The following ADAMTS2 variants were observed in gnomAD, a reference collection of about 807,000 sequenced individuals.
ADAMTS2 encodes A disintegrin and metalloproteinase with thrombospondin motifs 2.
ADAMTS2 carries 50 observed loss-of-function variants against 123.0 expected under a neutral mutation model. The observed-to-expected ratio is 0.41, with a 90% CI of 0.32 to 0.51. The LOEUF is 0.51. Among genes scored for constraint, ADAMTS2 ranks in the 20% least tolerant of loss-of-function variants. The pLI is 0.35. For missense variants in ADAMTS2, 1,494 were observed against 1,705.2 expected (o/e 0.88, Z 2.18); for synonymous variants, 678 against 695.4 (o/e 0.98, Z 0.39).
chr5:179,207,486 C>G, intron 4 of ADAMTS2, 27 bp downstream of exon 4: 2 of 1,188,816 alleles, frequency 1.7e-6, no homozygotes, highest in Non-Finnish European at 2.5e-6. Context: ...CCCCGCCCCA[C>G]CCTGCCCCCT....
chr5:179,264,437 G>C (rs1168827181), intron 3 of ADAMTS2, among the ~76,000 whole-genome samples: 1 of 152,120 alleles, frequency 6.6e-6, no homozygotes, highest in Non-Finnish European at 1.5e-5. Flanking sequence ...CTCTCTCCCA[G>C]AAGCCTGCCT....
At chr5:179,203,188 C>T (rs967270270) in intron 4 of ADAMTS2, among the ~76,000 whole-genome samples, 1 of 152,228 alleles carries the variant, frequency 6.6e-6, no homozygotes, top group African/African-American at 2.4e-5. Flanking sequence ...TGGGTCCCCA[C>T]CATCAGGGCC....
At chr5:179,241,991 G>C (rs1188550185) in intron 3 of ADAMTS2, among the ~76,000 whole-genome samples, 1 of 152,152 alleles carries the variant, frequency 6.6e-6, no homozygotes, top group African/African-American at 2.4e-5. Context: ...TGGTGGGGGG[G>C]CACATAGCCC....
At chr5:179,306,150 C>T (rs921756433) in intron 2 of ADAMTS2, among the ~76,000 whole-genome samples, 7 of 151,538 alleles carry the variant, frequency 4.6e-5, no homozygotes, top group Non-Finnish European at 4.4e-5. Context: ...AAAAACCCTA[C>T]AAACCAATAT....
intron 6 of ADAMTS2, among the ~76,000 whole-genome samples, chr5:179,156,134 T>A (rs531430664): frequency 4.1e-4 from 63 of 152,270 alleles, no homozygotes; most frequent in African/African-American, 1.3e-3. Flanking sequence ...CCATTCATCC[T>A]ACTCAGCATT....
At chr5:179,207,473 C>A (rs200221533) in intron 4 of ADAMTS2, 40 bp downstream of exon 4, 10 of 938,202 alleles carry the variant, frequency 1.1e-5, no homozygotes, top group South Asian at 9.1e-5. Flanking sequence ...CCTGGTTGAC[C>A]CTCCCCGCCC....
intron 2 of ADAMTS2, among the ~76,000 whole-genome samples, chr5:179,319,216 A>G (rs1486718011): frequency 1.3e-5 from 2 of 152,148 alleles, no homozygotes; most frequent in Non-Finnish European, 1.5e-5. Flanking sequence ...CATCACTCAT[A>G]TGTGCATCTC....
chr5:179,124,938 T>C, intron 19 of ADAMTS2, 35 bp downstream of exon 19: 1 of 1,482,004 alleles, frequency 6.7e-7, no homozygotes, highest in Non-Finnish European at 8.9e-7. Flanking sequence ...CCCTCAGTTT[T>C]GGAGCTGAGG....
rs146295427 is a variant in ADAMTS2 at position 179,189,510 on chromosome 5, G to GTT, written c.892-8357_892-8356dup. Among the ~76,000 whole-genome samples the GTT allele has an allele frequency of 0.012, 970 of 78,856 alleles. 141 individuals carry two copies. Among genetic ancestry groups the GTT allele is most frequent in the Middle Eastern group, 0.018 (2 of 110 alleles). 51.7% of individuals were successfully genotyped at this position (78,856 alleles called of 152,430 possible). ...CTACAGGCGCCCGCCAGTGCGCCTG[G>GTT]TTTTTTTTTTTTTTTTTTTTTTTTT... On this transcript the variant is annotated intron_variant, in intron 4 of 21. Transcript: ENST00000251582. The surrounding 1 kb of genome is among the most constrained non-coding windows in gnomAD (Gnocchi z 4.2).
chr5:179,245,919 A>T (rs990799625), intron 3 of ADAMTS2, among the ~76,000 whole-genome samples: 1 of 152,260 alleles, frequency 6.6e-6, no homozygotes, highest in East Asian at 1.9e-4. Context: ...AAGGGAGAGG[A>T]CATCACCAAA....
chr5:179,164,690 G>T (rs1763665523), intron 5 of ADAMTS2, among the ~76,000 whole-genome samples: 1 of 152,220 alleles, frequency 6.6e-6, no homozygotes, highest in Non-Finnish European at 1.5e-5. Flanking sequence ...CACTTCTGGG[G>T]GTGCAGCCCT....
chr5:179,297,167 C>T (rs999781640), intron 2 of ADAMTS2, among the ~76,000 whole-genome samples: 4 of 152,174 alleles, frequency 2.6e-5, no homozygotes, highest in Admixed American at 6.5e-5. Flanking sequence ...CGGCCACTCC[C>T]AGTGGGTGAC....
rs1764593622 is a variant in ADAMTS2, at chr5:179,202,581, C to A, written c.891+4932G>T. Among the ~76,000 whole-genome samples the A allele has an allele frequency of 6.6e-6, 1 of 152,172 alleles. No homozygotes were observed. The highest frequency in any genetic ancestry group is 2.1e-4 in the South Asian group (1 of 4,824). ...CGTCCTGTCATGCTCACAGCTGCAC[C>A]CCTTGCCTGACATATAATAGACGCC... is the stretch of plus-strand genomic sequence containing the variant. On this transcript the variant is annotated intron_variant, in intron 4 of 21. Transcript: ENST00000251582. This position sits in a 1 kb window ranked among gnomAD's most constrained non-coding sequence, Gnocchi z 4.0.
At chr5:179,134,266 G>C (rs3776811) in intron 13 of ADAMTS2, among the ~76,000 whole-genome samples, 68,615 of 151,928 alleles carry the variant, frequency 0.45, 15,934 homozygotes, top group Non-Finnish European at 0.5. Flanking sequence ...CCTCCCAGGG[G>C]TATCCAGTTC....
chr5:179,176,432 G>C (rs1452262493), intron 5 of ADAMTS2, among the ~76,000 whole-genome samples: 2 of 152,096 alleles, frequency 1.3e-5, no homozygotes, highest in African/African-American at 2.4e-5. Context: ...ATGGCACCAG[G>C]TACCTCTAAC....
chr5:179,338,302 T>C (rs1448727872), intron 2 of ADAMTS2, among the ~76,000 whole-genome samples: 2 of 152,170 alleles, frequency 1.3e-5, no homozygotes, highest in Admixed American at 6.5e-5. Context: ...AGCCTCGGTT[T>C]CCTACCTGTG....
At position 179,272,741 on chromosome 5, in the gene ADAMTS2, G is replaced by A. The variant is rs934085077; in HGVS notation, c.688+170C>T. ...GCCCCAGCCCCAGCAGCCCTGCTACGCCCTGCCGTCAGCCAGGCAGCTGGC... is the reference window on the plus strand; with the variant it reads ...GCCCCAGCCCCAGCAGCCCTGCTACACCCTGCCGTCAGCCAGGCAGCTGGC... On this transcript the variant is annotated intron_variant, in intron 3 of 21. Transcript: ENST00000251582. The surrounding 1 kb of genome is among the most constrained non-coding windows in gnomAD (Gnocchi z 5.8). Among the ~76,000 whole-genome samples, 2 of 152,124 alleles carry A rather than the reference G, an allele frequency of 1.3e-5. No homozygotes were observed. The highest frequency in any genetic ancestry group is 2.9e-5 in the Non-Finnish European group (2 of 68,016).
At chr5:179,143,273 A>C (rs898007981) in intron 10 of ADAMTS2, among the ~76,000 whole-genome samples, 1 of 152,192 alleles carries the variant, frequency 6.6e-6, no homozygotes, top group African/African-American at 2.4e-5. Context: ...GTCTCTATTA[A>C]AAATACAAAA....
At chr5:179,337,472 G>T (rs1024895504) in intron 2 of ADAMTS2, among the ~76,000 whole-genome samples, 1 of 152,182 alleles carries the variant, frequency 6.6e-6, no homozygotes, top group Non-Finnish European at 1.5e-5. Context: ...AAGACATGCA[G>T]AGGCAACATG....
Sources: gnomAD v4.1 joint callset for allele counts (sites outside exome capture counted in the v4.1 genomes callset) on GRCh38, gnomAD v4.1.1 for gene constraint, Gnocchi (gnomAD v3.1) non-coding constraint, MANE v1.5 for transcripts, NCBI Gene and HGNC (gene_info 2026-07-23, HGNC 2026-07-21) for gene names.